GRM5: variants seen among roughly 807,000 people sequenced by gnomAD.
The protein encoded by GRM5 is glutamate metabotropic receptor 5, also known as metabotropic glutamate receptor 5.
Under a neutral mutation model 83.1 loss-of-function variants are expected in GRM5, and 19 were observed. The ratio of observed to expected loss-of-function variants is 0.23; its 90% CI spans 0.16 to 0.34. The LOEUF (loss-of-function observed/expected upper bound fraction) is 0.34, where lower values mean the gene tolerates loss of function less well. Ranked by LOEUF, GRM5 falls within the 10% of genes least tolerant of loss-of-function variation. GRM5 has a pLI of 1.00. For synonymous variants in GRM5, 675 were observed against 633.6 expected, an observed-to-expected ratio of 1.07 and a Z score of -0.98; for missense variants, 1,160 against 1,588.3, an observed-to-expected ratio of 0.73 and a Z score of 4.58.
At chr11:88,625,433 A>AT (rs1330318665) in intron 4 of GRM5, among the ~76,000 whole-genome samples, 3 of 152,096 alleles carry the variant, frequency 2.0e-5, no homozygotes, top group Non-Finnish European at 2.9e-5. Flanking sequence ...ACAAAGAGTA[A>AT]TTTTTTCTAA....
rs36203408 is a variant in GRM5 at position 88,796,899 on chromosome 11, CGTGTGTGTGTGTGTGT to C, written c.911+52991_911+53006del. The stretch of plus-strand genomic sequence containing the variant: ...TGAAAGGAAAGTACACACACACACA[CGTGTGTGTGTGTGTGT>C]GTGTGTGTGTGTGTGTGTGTGTGTG... On this transcript the variant is annotated intron_variant, in intron 3 of 9. Transcript: ENST00000305447. Among the ~76,000 whole-genome samples the C allele has an allele frequency of 1.1e-3, 160 of 143,540 alleles. 2 individuals are homozygous for C. Among genetic ancestry groups the C allele is most frequent in the Middle Eastern group, 7.4e-3 (2 of 270 alleles). 94.2% of individuals were successfully genotyped at this position (143,540 alleles called of 152,430 possible). A position where few individuals can be genotyped will look rare whatever the true frequency, so the allele number is the denominator to read the frequency against.
intron 2 of GRM5, among the ~76,000 whole-genome samples, chr11:88,994,751 AAGT>A (rs1199017759): frequency 3.3e-5 from 5 of 151,902 alleles, no homozygotes; most frequent in African/African-American, 1.2e-4. Context: ...TCATTGTCTC[AAGT>A]ATGTATGAGG....
chr11:88,700,427 C>T (rs1388918966), intron 3 of GRM5, among the ~76,000 whole-genome samples: 1 of 152,096 alleles, frequency 6.6e-6, no homozygotes, highest in African/African-American at 2.4e-5. Context: ...TAGTTACTGC[C>T]ACTTTCAAAA....
At chr11:88,635,443 A>G (rs1288393319) in intron 4 of GRM5, among the ~76,000 whole-genome samples, 1 of 152,142 alleles carries the variant, frequency 6.6e-6, no homozygotes, top group Non-Finnish European at 1.5e-5. Context: ...CACTTTTCAT[A>G]TATCTGTTGG....
chr11:89,007,515 TATAA>T, intron 2 of GRM5, among the ~76,000 whole-genome samples: 1 of 152,326 alleles, frequency 6.6e-6, no homozygotes, highest in African/African-American at 2.4e-5. Context: ...TTAGGGTTTT[TATAA>T]ATAGAGCATA....
chr11:88,660,021 T>C (rs2135316178), intron 3 of GRM5, among the ~76,000 whole-genome samples: 1 of 152,362 alleles, frequency 6.6e-6, no homozygotes, highest in Non-Finnish European at 1.5e-5. Flanking sequence ...TTTCAATTTA[T>C]TAATTCACTA....
chr11:89,040,412 TAAGA>T (rs1250080317), intron 2 of GRM5, among the ~76,000 whole-genome samples: 1 of 151,826 alleles, frequency 6.6e-6, no homozygotes, highest in Non-Finnish European at 1.5e-5. Context: ...AAATGATAAA[TAAGA>T]AAGAAAGACA....
In GRM5 at chr11:89,047,727, A is replaced by G; in HGVS notation, c.146T>C (p.Val49Ala). The G allele has an allele frequency of 1.2e-6, 2 of 1,614,118 alleles. No individual in the cohort carries two copies. The highest frequency in any genetic ancestry group is 2.2e-5 in the South Asian group (2 of 91,078). Reference sequence around the variant, plus strand: ...ACACTTCCTCTCATGAACTTTGTCCACAGTAGGCTGGTGATGAACAGAAAA... The same window carrying G: ...ACACTTCCTCTCATGAACTTTGTCCGCAGTAGGCTGGTGATGAACAGAAAA... ...ALFSVHHQPT[V>A]DKVHERKCGA... Residue 49 changes from valine (V) to alanine (A), a missense_variant, in exon 2 of 10, where the codon GTG becomes GCG. Around this residue, in one of 9 missense-constraint regions of GRM5, gnomAD observed 71 missense variants for 145.8 expected, o/e 0.49. Transcript: ENST00000305447. The surrounding 1 kb of genome is among the most constrained non-coding windows in gnomAD (Gnocchi z 5.1).
intron 3 of GRM5, among the ~76,000 whole-genome samples, chr11:88,736,311 T>G (rs1236259482): frequency 6.6e-6 from 1 of 152,092 alleles, no homozygotes; most frequent in Non-Finnish European, 1.5e-5. Flanking sequence ...GCGGGATCTT[T>G]GTGTTTTAAT....
At chr11:89,008,687 T>C (rs1259847677) in intron 2 of GRM5, among the ~76,000 whole-genome samples, 1 of 152,040 alleles carries the variant, frequency 6.6e-6, no homozygotes, top group African/African-American at 2.4e-5. Context: ...TGGGAGAAAA[T>C]AGTTTGGTCT....
At chr11:88,946,017 TAAGGAATGTA>T (rs1938272862) in intron 2 of GRM5, among the ~76,000 whole-genome samples, 1 of 151,868 alleles carries the variant, frequency 6.6e-6, no homozygotes, top group East Asian at 1.9e-4. Context: ...CCAGAAGCTA[TAAGGAATGTA>T]AACAGTTCAA....
At chr11:88,941,460 AAGAGAAGAGAAG>A (rs1349395046) in intron 2 of GRM5, among the ~76,000 whole-genome samples, 4 of 117,122 alleles carry the variant, frequency 3.4e-5, no homozygotes, top group African/African-American at 1.3e-4. Flanking sequence ...GGGAGAAGAG[AAGAGAAGAGAAG>A]AGGGGAGGGG....
intron 3 of GRM5, among the ~76,000 whole-genome samples, chr11:88,841,853 C>G (rs1944209606): frequency 6.6e-6 from 1 of 152,144 alleles, no homozygotes; most frequent in Non-Finnish European, 1.5e-5. Context: ...GGAACAATCA[C>G]TTTTCACTGT....
chr11:88,753,104 AAT>A (rs1218460984), intron 3 of GRM5, among the ~76,000 whole-genome samples: 1 of 152,226 alleles, frequency 6.6e-6, no homozygotes, highest in African/African-American at 2.4e-5. Flanking sequence ...AAAATTGACA[AAT>A]AGTATTTAAT....
chr11:88,687,570 T>TATTATATATATATTATATATATATA (rs1940673220), intron 3 of GRM5, among the ~76,000 whole-genome samples: 2 of 25,452 alleles, frequency 7.9e-5, no homozygotes, highest in African/African-American at 2.3e-4. Flanking sequence ...ATTATATATA[T>TATTATATATATATTATATATATATA]ATATATATAA....
At chr11:89,034,680 T>A (rs1369896443) in intron 2 of GRM5, among the ~76,000 whole-genome samples, 2 of 151,880 alleles carry the variant, frequency 1.3e-5, no homozygotes. Flanking sequence ...CCTCAAGCTC[T>A]ATTTGGTGTG....
rs1397938425 is a variant in GRM5, at chr11:89,009,758, GGGCGTGGT to G, written c.661+37446_661+37453del. Among the ~76,000 whole-genome samples the G allele has an allele frequency of 4.0e-5, 6 of 151,058 alleles. No individual in the cohort carries two copies. In the East Asian group the frequency reaches 1.2e-3, roughly 29 times the overall value. Reference sequence around the variant, plus strand: ...AAAAAAAAAATACAAAAAATTAGCCGGGCGTGGTAGCGGGCGCCTGTAGTCCCAGCTAC... The same window carrying G: ...AAAAAAAAAATACAAAAAATTAGCCGAGCGGGCGCCTGTAGTCCCAGCTAC... On this transcript the variant is annotated intron_variant, in intron 2 of 9. Transcript: ENST00000305447.
Position 88,853,017 on chromosome 11 carries a change from C to T in GRM5, c.662-2862G>A, listed in dbSNP as rs574824724. Among the ~76,000 whole-genome samples, 417 of 152,066 alleles carry T rather than the reference C, an allele frequency of 2.7e-3. 3 individuals carry two copies. Among genetic ancestry groups the T allele is most frequent in the African/African-American group, 9.8e-3 (405 of 41,518 alleles). On this transcript the variant is annotated intron_variant, in intron 2 of 9. Coordinates refer to ENST00000305447, the MANE Select transcript of GRM5 (RefSeq NM_001143831.3). ...TATTACTTTTTCCAATAGAGGGAAA[C>T]AAGTAACTGAGAAAGAAAGCTGTGG...
At chr11:88,784,586 C>A (rs1943031236) in intron 3 of GRM5, among the ~76,000 whole-genome samples, 1 of 152,058 alleles carries the variant, frequency 6.6e-6, no homozygotes, top group African/African-American at 2.4e-5. Flanking sequence ...GGCTAGAACA[C>A]AGACTGCAAA....
Sources: gnomAD v4.1 joint callset for allele counts (sites outside exome capture counted in the v4.1 genomes callset) on GRCh38, gnomAD v4.1.1 for gene constraint, gnomAD v4.1.1 regional missense constraint, Gnocchi (gnomAD v3.1) non-coding constraint, MANE v1.5 for transcripts, NCBI Gene and HGNC (gene_info 2026-07-23, HGNC 2026-07-21) for gene names.